Variants in HPSE2 observed in about 807,000 individuals in gnomAD.
HPSE2 encodes heparanase 2 (inactive), also known as inactive heparanase-2.
Under a neutral mutation model 60.5 loss-of-function variants are expected in HPSE2, and 38 were observed. The observed-to-expected ratio is 0.63, with a 90% CI of 0.48 to 0.82. HPSE2 has a LOEUF of 0.82. Ranked by LOEUF, HPSE2 falls within the 40% of genes least tolerant of loss-of-function variation. The probability of loss-of-function intolerance (pLI) is 0.00; values close to 1 mark genes in which losing one functional copy is unlikely to be tolerated. For missense variants in HPSE2, 713 were observed against 740.4 expected, an observed-to-expected ratio of 0.96 and a Z score of 0.43; for synonymous variants, 295 against 293.2, an observed-to-expected ratio of 1.01 and a Z score of -0.06.
chr10:98,609,825 T>C (rs993389336), intron 9 of HPSE2, among the ~76,000 whole-genome samples: 13 of 133,904 alleles, frequency 9.7e-5, no homozygotes, highest in East Asian at 4.3e-4. Flanking sequence ...TTAGGTGGTG[T>C]TCTTCTTCTT....
At chr10:98,809,370 C>G (rs189475013) in intron 3 of HPSE2, among the ~76,000 whole-genome samples, 75 of 151,996 alleles carry the variant, frequency 4.9e-4, no homozygotes, top group Non-Finnish European at 1.0e-4. Context: ...AATTAGGGTA[C>G]TATTAATATA....
At chr10:99,150,795 G>A (rs1846231478) in intron 2 of HPSE2, among the ~76,000 whole-genome samples, 1 of 151,376 alleles carries the variant, frequency 6.6e-6, no homozygotes, top group Non-Finnish European at 1.5e-5. Flanking sequence ...GCACAAACAT[G>A]GGAGAGACCC....
chr10:98,473,446 C>T (rs144420440), intron 11 of HPSE2, among the ~76,000 whole-genome samples: 2,161 of 137,954 alleles, frequency 0.016, 24 homozygotes, highest in Middle Eastern at 0.056. Context: ...GATTGCACCA[C>T]TGCGCTCCAG....
chr10:98,868,378 G>A (rs551935858), intron 3 of HPSE2, among the ~76,000 whole-genome samples: 1 of 152,088 alleles, frequency 6.6e-6, no homozygotes, highest in South Asian at 2.1e-4. Flanking sequence ...GCAGCGGGGA[G>A]GTGGGGATGG....
In HPSE2 at chr10:99,144,394, C is replaced by T. The variant is rs201588272; in HGVS notation, c.454G>A (p.Val152Ile). 4 of 1,613,312 alleles carry T rather than the reference C, an allele frequency of 2.5e-6. No homozygotes were observed. Among genetic ancestry groups the T allele is most frequent in the Admixed American group, 3.3e-5 (2 of 59,974 alleles). The change falls in exon 3 of 12, where the codon GTT (valine) becomes ATT (isoleucine). Residue 152 changes from valine to isoleucine, a missense_variant. By Grantham distance (29) the Val-to-Ile change is conservative. Transcript: ENST00000370552. ...TTATCTAAGGCAACATCACTTCGAA[C>T]AATGTCTACAAAAAGAAAGAAAGAA... is the stretch of plus-strand genomic sequence containing the variant. ...YYLKNYEDDI[V>I]RSDVALDKQK...
At chr10:99,085,372 G>C (rs1843282343) in intron 3 of HPSE2, among the ~76,000 whole-genome samples, 1 of 152,186 alleles carries the variant, frequency 6.6e-6, no homozygotes, top group Non-Finnish European at 1.5e-5. Context: ...AGTGTGCCAC[G>C]ATGGGGCTAG....
chr10:98,667,573 T>C (rs1947397990), intron 6 of HPSE2, among the ~76,000 whole-genome samples: 2 of 152,142 alleles, frequency 1.3e-5, no homozygotes, highest in African/African-American at 4.8e-5. Context: ...AAAAAGTTAA[T>C]TCACCACAAT....
chr10:98,548,986 A>G (rs1231289201), intron 9 of HPSE2, among the ~76,000 whole-genome samples: 1 of 152,150 alleles, frequency 6.6e-6, no homozygotes, highest in Non-Finnish European at 1.5e-5. Flanking sequence ...TCTTTCGCCC[A>G]CTTGCAGCAG....
intron 2 of HPSE2, among the ~76,000 whole-genome samples, chr10:99,175,555 C>T (rs998817748): frequency 1.3e-5 from 2 of 152,202 alleles, no homozygotes; most frequent in East Asian, 1.9e-4. Context: ...CTGCTGTAGC[C>T]ATATTGCCTC....
intron 9 of HPSE2, among the ~76,000 whole-genome samples, chr10:98,502,555 T>G (rs1018877196): frequency 4.6e-5 from 7 of 152,248 alleles, no homozygotes; most frequent in Non-Finnish European, 8.8e-5. Flanking sequence ...CAGCTCAAGC[T>G]GGATTAAGAA....
chr10:98,980,012 C>T (rs548518887), intron 3 of HPSE2, among the ~76,000 whole-genome samples: 6 of 152,186 alleles, frequency 3.9e-5, no homozygotes, highest in African/African-American at 7.2e-5. Context: ...GTCAGATGAA[C>T]GCTGCAGGCC....
At chr10:98,975,719 G>C (rs1339780330) in intron 3 of HPSE2, among the ~76,000 whole-genome samples, 1 of 152,166 alleles carries the variant, frequency 6.6e-6, no homozygotes, top group Admixed American at 6.6e-5. Flanking sequence ...GAAGAAGCAA[G>C]TAGATGTAAG....
At position 98,630,763 on chromosome 10, in the gene HPSE2, A is replaced by G. The variant is rs533038755; in HGVS notation, c.1099-10055T>C. On this transcript the variant is annotated intron_variant, in intron 7 of 11. Transcript: ENST00000370552. ...TTGACAATTACTTTGCTTATAAAAT[A>G]CTTATAAATAAATGAGAGAGATAAT... Among the ~76,000 whole-genome samples, 3 of 152,184 alleles carry G rather than the reference A, an allele frequency of 2.0e-5. No individual in the cohort carries two copies. In the East Asian group the frequency reaches 5.8e-4, roughly 29 times the overall value.
intron 6 of HPSE2, among the ~76,000 whole-genome samples, chr10:98,680,612 A>T (rs1835760014): frequency 6.6e-6 from 1 of 152,216 alleles, no homozygotes; most frequent in Admixed American, 6.5e-5. Context: ...TAAAGTAATT[A>T]AAGTTAATTT....
At chr10:98,734,619 C>G (rs1271700772) in intron 4 of HPSE2, among the ~76,000 whole-genome samples, 1 of 152,040 alleles carries the variant, frequency 6.6e-6, no homozygotes, top group Admixed American at 6.6e-5. Context: ...TGATGTTGAG[C>G]ATCTTTTCAT....
intron 2 of HPSE2, among the ~76,000 whole-genome samples, chr10:99,170,514 C>G (rs191938777): frequency 5.6e-4 from 85 of 152,298 alleles, no homozygotes; most frequent in Admixed American, 1.1e-3. Context: ...CAGCATAAAT[C>G]ATTCATATGC....
intron 9 of HPSE2, among the ~76,000 whole-genome samples, chr10:98,501,272 T>C (rs1383027967): frequency 6.6e-6 from 1 of 152,148 alleles, no homozygotes; most frequent in East Asian, 1.9e-4. Context: ...ATATCCTTGA[T>C]GAACATAGAT....
intron 2 of HPSE2, among the ~76,000 whole-genome samples, chr10:99,197,988 T>C (rs1371199083): frequency 3.3e-5 from 5 of 151,912 alleles, no homozygotes; most frequent in Non-Finnish European, 4.4e-5. Flanking sequence ...AGAGAATTGC[T>C]TGAACCCAGG....
At chr10:98,559,966 T>G (rs1375510521) in intron 9 of HPSE2, among the ~76,000 whole-genome samples, 1 of 152,148 alleles carries the variant, frequency 6.6e-6, no homozygotes, top group Non-Finnish European at 1.5e-5. Context: ...ACTGTGCCTG[T>G]ATGTCCTAAA....
Sources: gnomAD v4.1 joint callset for allele counts (sites outside exome capture counted in the v4.1 genomes callset) on GRCh38, gnomAD v4.1.1 for gene constraint, MANE v1.5 for transcripts, NCBI Gene and HGNC (gene_info 2026-07-23, HGNC 2026-07-21) for gene names.